HUWE1: variants seen among roughly 807,000 people sequenced by gnomAD.
HUWE1 encodes the protein HECT, UBA and WWE domain containing E3 ubiquitin protein ligase 1, also known as E3 ubiquitin-protein ligase HUWE1.
In HUWE1, 18 loss-of-function variants were observed where a neutral mutation model predicts 299.4. The observed-to-expected ratio is 0.06, with a 90% CI of 0.04 to 0.09. HUWE1 has a LOEUF of 0.09. HUWE1 is among the 10% of genes least tolerant of loss of function. The pLI is 1.00. For synonymous variants in HUWE1, 1,317 were observed against 1,286.1 expected, an observed-to-expected ratio of 1.02 and a Z score of -0.51; for missense variants, 1,832 against 3,462.3, an observed-to-expected ratio of 0.53 and a Z score of 11.82.
chrX:53,543,039 C>T (rs782799475), intron 73 of HUWE1, among the ~76,000 whole-genome samples: 2 of 110,520 alleles, frequency 1.8e-5, no homozygotes, highest in East Asian at 2.9e-4. Context: ...GAAAGAGACT[C>T]GGCAGAAAAA....
chrX:53,582,971 G>T (rs1459937034), intron 42 of HUWE1, among the ~76,000 whole-genome samples: 1 of 111,823 alleles, frequency 8.9e-6, no homozygotes, highest in African/African-American at 3.2e-5. Flanking sequence ...ACCACACCCA[G>T]ACTATTGTCT....
chrX:53,606,072 C>T (rs1257310780), intron 25 of HUWE1, among the ~76,000 whole-genome samples: 1 of 111,705 alleles, frequency 9.0e-6, no homozygotes, highest in Non-Finnish European at 1.9e-5. Context: ...ACCAAAAACA[C>T]AGGTGTTTAC....
chrX:53,600,011 A>G, intron 29 of HUWE1, 107 bp downstream of exon 29: 1 of 730,253 alleles, frequency 1.4e-6, no homozygotes, highest in Non-Finnish European at 2.2e-6. Context: ...TGAGTCACAG[A>G]AGTTTTAAAC....
rs782792152 is a variant in HUWE1 at position 53,533,511 on chromosome X, C to T, written c.13023-100G>A. 2.9e-4 allele frequency: 164 copies of T among 566,681 alleles called. 1 individual carries two copies. In the East Asian group the frequency reaches 5.5e-3, roughly 19 times the overall value. 46.7% of individuals were successfully genotyped at this position (566,681 alleles called of 1,213,427 possible). A position where few individuals can be genotyped will look rare whatever the true frequency, so the allele number is the denominator to read the frequency against. On this transcript the variant is annotated intron_variant, in intron 83 of 83. Coordinates refer to ENST00000262854, the MANE Select transcript of HUWE1 (RefSeq NM_031407.7). ...CCAGCCCCTCCCCTCCCTGAAGAAA[C>T]CAACTCCCTGCTTCTTGATGACTCC... is the stretch of plus-strand genomic sequence containing the variant.
At chrX:53,551,597 T>TG in intron 63 of HUWE1, 117 bp from the exon 64 acceptor site, 2 of 655,651 alleles carry the variant, frequency 3.1e-6, no homozygotes, top group South Asian at 2.4e-5. Context: ...ACTGCAGTGT[T>TG]GAGCTCCTGG....
rs782205649 is a variant in HUWE1, at chrX:53,595,286, G to A, written c.3281C>T (p.Pro1094Leu). The A allele has an allele frequency of 5.8e-6, 7 of 1,208,676 alleles. No homozygotes were observed. The highest frequency in any genetic ancestry group is 2.2e-5 in the Admixed American group (1 of 45,614). The change falls in exon 30 of 84, where the codon CCG (proline) becomes CTG (leucine). Residue 1094 changes from proline to leucine, a missense_variant. By Grantham distance (98) the Pro-to-Leu change is moderately conservative (BLOSUM62 -3). Coordinates refer to ENST00000262854, the MANE Select transcript of HUWE1 (RefSeq NM_031407.7). Reference protein sequence around the residue: ...SHHAASTTTAPTPAARSTASA... With the variant: ...SHHAASTTTALTPAARSTASA... ...GGCTGTTGATCGCGCGGCAGGTGTC[G>A]GTGCTGTAGTGGTGCTGGCAGCATG...
chrX:53,656,762 AAGAG>A (rs1165787137), intron 3 of HUWE1, among the ~76,000 whole-genome samples: 1 of 111,060 alleles, frequency 9.0e-6, no homozygotes, highest in African/African-American at 3.3e-5. Context: ...AAAAAAATAA[AAGAG>A]GGAGGAATTG....
chrX:53,572,239 A>G (rs2062867838), intron 47 of HUWE1, among the ~76,000 whole-genome samples: 1 of 111,589 alleles, frequency 9.0e-6, no homozygotes, highest in Admixed American at 9.5e-5. Flanking sequence ...ACAAAACCAA[A>G]TTACGGCACG....
intron 16 of HUWE1, 59 bp from the exon 17 acceptor site, chrX:53,627,574 C>T (rs1805610615): frequency 4.5e-6 from 3 of 669,087 alleles, no homozygotes; most frequent in Admixed American, 4.1e-5. Flanking sequence ...TTTTTTTTTT[C>T]AGGGATTAAA....
intron 80 of HUWE1, 32 bp downstream of exon 80, chrX:53,536,115 G>A (rs1309887190): frequency 1.1e-6 from 1 of 936,462 alleles, no homozygotes; most frequent in Admixed American, 2.2e-5. Context: ...AGATTGGCTG[G>A]GATGTGCTGT....
Position 53,586,855 on chromosome X carries a change from G to A in HUWE1, c.4669C>T (p.Leu1557=), listed in dbSNP as rs782440305. The change falls in exon 38 of 84, where the codon CTA becomes TTA. Residue 1557 remains leucine, a synonymous_variant. Coordinates refer to ENST00000262854, the MANE Select transcript of HUWE1 (RefSeq NM_031407.7). ...TGAACCACTTCCAAGAGTTTGATTA[G>A]GACATTAAGGATGCCACTTGATTCA... ...VVESSGILNV[L]IKLLEVVQPC... 16 of 1,208,028 alleles carry A rather than the reference G, an allele frequency of 1.3e-5. No homozygotes were observed. Among genetic ancestry groups the A allele is most frequent in the Non-Finnish European group, 1.1e-5 (10 of 893,901 alleles).
At position 53,595,293 on chromosome X, in the gene HUWE1, T is replaced by C; in HGVS notation, c.3274A>G (p.Thr1092Ala). The C allele has an allele frequency of 8.3e-7, 1 of 1,210,555 alleles. No individual in the cohort carries two copies. Among genetic ancestry groups the C allele is most frequent in the Admixed American group, 2.2e-5 (1 of 45,958 alleles). Residue 1092 changes from threonine (T) to alanine (A), a missense_variant, in exon 30 of 84, where the codon ACA (threonine) becomes GCA (alanine). By Grantham distance (58) the Thr-to-Ala change is moderately conservative (BLOSUM62 0). Transcript: ENST00000262854. The stretch of plus-strand genomic sequence containing the variant: ...GATCGCGCGGCAGGTGTCGGTGCTG[T>C]AGTGGTGCTGGCAGCATGATGGCTC... ...RRSHHAASTT[T>A]APTPAARSTA... is the part of the protein sequence containing the mutation.
intron 55 of HUWE1, 72 bp from the exon 56 acceptor site, chrX:53,560,488 G>A: frequency 1.1e-6 from 1 of 940,867 alleles, no homozygotes; most frequent in Non-Finnish European, 1.5e-6. Flanking sequence ...GCAGAATCAT[G>A]TCTCCTGGGC....
At position 53,592,455 on chromosome X, in the gene HUWE1, C is replaced by A; in HGVS notation, c.3915G>T (p.Gly1305=). The part of the protein sequence containing the change: ...KEGSRGEEDT[G]QEEGGSRREP... ...CCCGGCGGGAGCCACCTTCCTCTTG[C>A]CCTGTATCCTCTTCTCCTCGAGACC... Residue 1305 remains glycine (G), a synonymous_variant, in exon 33 of 84, where the codon GGG becomes GGT. Coordinates refer to ENST00000262854, the MANE Select transcript of HUWE1 (RefSeq NM_031407.7). The A allele has an allele frequency of 8.3e-7, 1 of 1,211,044 alleles. No individual in the cohort carries two copies. The highest frequency in any genetic ancestry group is 1.1e-6 in the Non-Finnish European group (1 of 895,239).
At chrX:53,565,572 A>T (rs1265658666) in intron 49 of HUWE1, among the ~76,000 whole-genome samples, 2 of 110,343 alleles carry the variant, frequency 1.8e-5, no homozygotes, top group African/African-American at 6.6e-5. Flanking sequence ...TTTTTTTTTT[A>T]AACCACCAGC....
chrX:53,566,970 C>T (rs887884073), intron 49 of HUWE1, among the ~76,000 whole-genome samples: 28 of 110,965 alleles, frequency 2.5e-4, no homozygotes, highest in African/African-American at 8.5e-4. Flanking sequence ...CACTGAATCC[C>T]GGATCAAAAC....
intron 19 of HUWE1, among the ~76,000 whole-genome samples, chrX:53,619,811 A>T (rs2066028326): frequency 9.0e-6 from 1 of 111,675 alleles, no homozygotes; most frequent in African/African-American, 3.3e-5. Flanking sequence ...AGTCAAGGTT[A>T]CAGAGAAGAG....
In HUWE1 at chrX:53,575,191, T is replaced by A. The variant is rs2063039053; in HGVS notation, c.6061A>T (p.Thr2021Ser). ...SQVFAADGAS[T>S]ETSASGTSQG... is the part of the protein sequence containing the mutation. Reference sequence around the variant, plus strand: ...GAGGTCCCAGATGCGGAAGTCTCAGTGGAGGCACCATCTGCAGCAAAGACC... The same window carrying A: ...GAGGTCCCAGATGCGGAAGTCTCAGAGGAGGCACCATCTGCAGCAAAGACC... The change falls in exon 46 of 84, where the codon ACT becomes TCT. Residue 2021 changes from threonine (T) to serine (S), a missense_variant. Physicochemically the swap from Thr to Ser is moderately conservative, Grantham distance 58. Transcript: ENST00000262854. 8.3e-7 allele frequency: 1 copy of A among 1,204,970 alleles called. No homozygotes were observed. The highest frequency in any genetic ancestry group is 2.2e-5 in the Admixed American group (1 of 45,732).
At chrX:53,538,698 A>ATG (rs1556915352) in intron 76 of HUWE1, 137 bp downstream of exon 76, 50 of 175,055 alleles carry the variant, frequency 2.9e-4, no homozygotes, top group African/African-American at 8.2e-4. Flanking sequence ...GTGTGTATGT[A>ATG]CACACACACA....
Sources: gnomAD v4.1 joint callset for allele counts (sites outside exome capture counted in the v4.1 genomes callset) on GRCh38, gnomAD v4.1.1 for gene constraint, MANE v1.5 for transcripts, NCBI Gene and HGNC (gene_info 2026-07-23, HGNC 2026-07-21) for gene names.